The following DENND1B variants were observed in gnomAD, a reference collection of about 807,000 sequenced individuals.
The protein encoded by DENND1B is DENN domain-containing protein 1B.
Under a neutral mutation model 90.1 loss-of-function variants are expected in DENND1B, and 59 were observed. The ratio of observed to expected loss-of-function variants is 0.65; its 90% confidence interval spans 0.53 to 0.81. The LOEUF is 0.81. Among genes scored for constraint, DENND1B ranks in the 40% least tolerant of loss-of-function variants. The pLI is 0.00. For synonymous variants in DENND1B, 337 were observed against 324.6 expected, an observed-to-expected ratio of 1.04 and a Z score of -0.41; for missense variants, 862 against 912.6, an observed-to-expected ratio of 0.94 and a Z score of 0.71.
intron 2 of DENND1B, among the ~76,000 whole-genome samples, chr1:197,741,896 T>A (rs945176898): frequency 1.1e-4 from 17 of 152,260 alleles, no homozygotes; most frequent in African/African-American, 3.8e-4. Context: ...TTTATAACTT[T>A]GGAATCTTAA....
chr1:197,546,318 T>G (rs1287054606), intron 17 of DENND1B, among the ~76,000 whole-genome samples: 2 of 152,186 alleles, frequency 1.3e-5, no homozygotes, highest in Admixed American at 1.3e-4. Context: ...AATACAAGTT[T>G]ATCAGCTGTT....
At chr1:197,693,288 GTGAC>G (rs1244577573) in intron 3 of DENND1B, among the ~76,000 whole-genome samples, 3 of 151,546 alleles carry the variant, frequency 2.0e-5, no homozygotes, top group Non-Finnish European at 4.4e-5. Context: ...AAGTAAACAT[GTGAC>G]TGTGTGTTTA....
At chr1:197,699,643 G>A (rs1658817795) in intron 3 of DENND1B, among the ~76,000 whole-genome samples, 1 of 152,098 alleles carries the variant, frequency 6.6e-6, no homozygotes, top group Non-Finnish European at 1.5e-5. Context: ...CAGACAACAT[G>A]ATTTTATATT....
At chr1:197,652,904 C>A (rs965265741) in intron 6 of DENND1B, among the ~76,000 whole-genome samples, 4 of 151,892 alleles carry the variant, frequency 2.6e-5, no homozygotes, top group African/African-American at 9.7e-5. Context: ...CCTTGATGTG[C>A]ACCCTCAATT....
At chr1:197,568,181 CG>C (rs1201144212) in intron 15 of DENND1B, among the ~76,000 whole-genome samples, 1 of 151,756 alleles carries the variant, frequency 6.6e-6, no homozygotes, top group African/African-American at 2.4e-5. Flanking sequence ...ACACAATCAA[CG>C]TATTAAAAAG....
chr1:197,695,515 A>C (rs1275878943), intron 3 of DENND1B, among the ~76,000 whole-genome samples: 1 of 151,116 alleles, frequency 6.6e-6, no homozygotes, highest in Non-Finnish European at 1.5e-5. Context: ...TTAAACATTA[A>C]GAAATCAATT....
At chr1:197,601,091 T>C (rs1044066536) in intron 13 of DENND1B, among the ~76,000 whole-genome samples, 2 of 151,768 alleles carry the variant, frequency 1.3e-5, no homozygotes, top group Non-Finnish European at 2.9e-5. Context: ...ACCCTGTTCT[T>C]TTATAACATT....
upstream of DENND1B, among the ~76,000 whole-genome samples, chr1:197,780,136 A>T (rs997734986): frequency 1.3e-5 from 2 of 152,090 alleles, no homozygotes; most frequent in Admixed American, 1.3e-4. Context: ...TTTCCCCTTA[A>T]CTATGCTCCA....
chr1:197,634,789 G>C (rs935130561), intron 10 of DENND1B, among the ~76,000 whole-genome samples: 5 of 152,170 alleles, frequency 3.3e-5, no homozygotes, highest in African/African-American at 1.2e-4. Context: ...AGGAGTTCAA[G>C]ACTGGCCTGG....
intron 3 of DENND1B, among the ~76,000 whole-genome samples, chr1:197,714,323 ATTAT>A (rs1408188068): frequency 2.6e-5 from 4 of 152,114 alleles, no homozygotes; most frequent in Admixed American, 2.0e-4. Flanking sequence ...TTAAATCTGT[ATTAT>A]TTACCATATA....
intron 10 of DENND1B, among the ~76,000 whole-genome samples, chr1:197,631,710 G>A (rs1679341197): frequency 6.6e-6 from 1 of 151,100 alleles, no homozygotes; most frequent in African/African-American, 2.4e-5. Flanking sequence ...AATTAAATAA[G>A]AATAAACAAT....
At chr1:197,727,488 T>G (rs1378009898) in intron 2 of DENND1B, among the ~76,000 whole-genome samples, 1 of 149,352 alleles carries the variant, frequency 6.7e-6, no homozygotes, top group East Asian at 2.0e-4. Context: ...TGAGCCAAGA[T>G]CGCGCCACTG....
chr1:197,546,431 A>C (rs1401949459), intron 17 of DENND1B, among the ~76,000 whole-genome samples: 1 of 152,178 alleles, frequency 6.6e-6, no homozygotes, highest in Non-Finnish European at 1.5e-5. Context: ...TTGCCATCAA[A>C]TCCTTCTACC....
intron 2 of DENND1B, among the ~76,000 whole-genome samples, chr1:197,759,711 C>G (rs1487837599): frequency 3.2e-5 from 4 of 125,350 alleles, no homozygotes; most frequent in Non-Finnish European, 6.3e-5. Flanking sequence ...CCACTGCACT[C>G]TGGCCTGGGT....
At chr1:197,611,109 T>G (rs1558304098) in intron 12 of DENND1B, among the ~76,000 whole-genome samples, 1 of 150,786 alleles carries the variant, frequency 6.6e-6, no homozygotes, top group Non-Finnish European at 1.5e-5. Flanking sequence ...CAAAGCTAAC[T>G]CATTTAGGTT....
chr1:197,770,216 G>T (rs1213181126), intron 2 of DENND1B, among the ~76,000 whole-genome samples: 1 of 152,094 alleles, frequency 6.6e-6, no homozygotes, highest in East Asian at 1.9e-4. Flanking sequence ...AACCTACAAA[G>T]AAGCCAACAT....
At chr1:197,672,414 A>G in intron 4 of DENND1B, among the ~76,000 whole-genome samples, 1 of 152,112 alleles carries the variant, frequency 6.6e-6, no homozygotes, top group East Asian at 1.9e-4. Flanking sequence ...GTAGTCTACC[A>G]TAAATGATCA....
chr1:197,511,013 T>A, intron 22 of DENND1B, 41 bp from the exon 23 acceptor site: 3 of 1,455,998 alleles, frequency 2.1e-6, no homozygotes, highest in Non-Finnish European at 2.7e-6. Flanking sequence ...AAACTTTTAA[T>A]AAGCATTAAT....
intron 15 of DENND1B, among the ~76,000 whole-genome samples, chr1:197,574,707 G>T (rs1225201084): frequency 6.6e-6 from 1 of 152,172 alleles, no homozygotes; most frequent in Non-Finnish European, 1.5e-5. Flanking sequence ...CAAGGCTACA[G>T]TAACCAAAAC....
Sources: allele counts gnomAD v4.1 joint callset (sites outside exome capture counted in the v4.1 genomes callset), GRCh38; gene constraint gnomAD v4.1.1; transcripts MANE v1.5; gene names NCBI Gene and HGNC (gene_info 2026-07-23, HGNC 2026-07-21).